The following GPD2 variants were observed in gnomAD, a reference collection of about 807,000 sequenced individuals.
The protein encoded by GPD2 is glycerol-3-phosphate dehydrogenase, mitochondrial.
Under a neutral mutation model 82.4 loss-of-function variants are expected in GPD2, and 54 were observed. The observed-to-expected ratio is 0.66, with a 90% CI of 0.53 to 0.82. GPD2 has a LOEUF of 0.82. GPD2 is among the 40% of genes least tolerant of loss of function. GPD2 has a pLI of 0.00. For synonymous variants in GPD2, 288 were observed against 306.1 expected, an observed-to-expected ratio of 0.94 and a Z score of 0.62; for missense variants, 748 against 896.2, an observed-to-expected ratio of 0.83 and a Z score of 2.11.
chr2:156,459,759 T>C (rs903152545), intron 1 of GPD2, among the ~76,000 whole-genome samples: 4 of 149,990 alleles, frequency 2.7e-5, no homozygotes, highest in Non-Finnish European at 4.4e-5. Context: ...CGTAAGGACA[T>C]TGAAGTCCAG....
chr2:156,422,726 A>AG, the GPD2 span, among the ~76,000 whole-genome samples: 2 of 151,710 alleles, frequency 1.3e-5, no homozygotes, highest in Admixed American at 1.3e-4. Context: ...AGTGAGACTC[A>AG]GAAAAAAAAA....
the GPD2 span, among the ~76,000 whole-genome samples, chr2:156,407,397 C>T: frequency 1.4e-3 from 218 of 152,228 alleles, no homozygotes; most frequent in Non-Finnish European, 2.6e-3. Flanking sequence ...TTTTCTCCCC[C>T]CAGAAATATA....
At chr2:156,581,943 T>C (rs1166896458) in intron 16 of GPD2, among the ~76,000 whole-genome samples, 2 of 151,992 alleles carry the variant, frequency 1.3e-5, no homozygotes. Context: ...ATCATATATA[T>C]ATATAATGTG....
chr2:156,546,933 C>T (rs1558953993), intron 6 of GPD2, among the ~76,000 whole-genome samples: 1 of 146,632 alleles, frequency 6.8e-6, no homozygotes, highest in Non-Finnish European at 1.5e-5. Flanking sequence ...TTTAACACAG[C>T]GAATGAGATT....
chr2:156,488,331 A>G (rs1402320511), intron 2 of GPD2, among the ~76,000 whole-genome samples: 1 of 152,264 alleles, frequency 6.6e-6, no homozygotes, highest in African/African-American at 2.4e-5. Flanking sequence ...CCTTTTAGGA[A>G]TATATAAATA....
intron 3 of GPD2, among the ~76,000 whole-genome samples, chr2:156,510,187 G>C (rs1209519903): frequency 6.6e-6 from 1 of 152,100 alleles, no homozygotes; most frequent in Non-Finnish European, 1.5e-5. Context: ...TTTTAAATTA[G>C]ACTATAAACA....
At chr2:156,439,658 C>A (rs968392041) in intron 1 of GPD2, among the ~76,000 whole-genome samples, 3 of 149,768 alleles carry the variant, frequency 2.0e-5, no homozygotes, top group Admixed American at 6.7e-5. Flanking sequence ...ACCAGCCTGG[C>A]CAACATGGCA....
At chr2:156,410,216 C>T in the GPD2 span, among the ~76,000 whole-genome samples, 1 of 152,200 alleles carries the variant, frequency 6.6e-6, no homozygotes, top group Admixed American at 6.5e-5. Flanking sequence ...GGTGAATACT[C>T]AGTCATCATG....
At chr2:156,521,392 A>C (rs537332069) in intron 6 of GPD2, among the ~76,000 whole-genome samples, 44 of 152,336 alleles carry the variant, frequency 2.9e-4, no homozygotes, top group African/African-American at 1.1e-3. Flanking sequence ...TGAGCTCTGC[A>C]TTACACATCT....
At chr2:156,410,641 G>A in the GPD2 span, among the ~76,000 whole-genome samples, 2 of 152,158 alleles carry the variant, frequency 1.3e-5, no homozygotes, top group African/African-American at 4.8e-5. Flanking sequence ...AAGATACCCT[G>A]ATAGGAGCTT....
At chr2:156,447,719 C>G (rs1682417316) in intron 1 of GPD2, among the ~76,000 whole-genome samples, 1 of 152,194 alleles carries the variant, frequency 6.6e-6, no homozygotes, top group African/African-American at 2.4e-5. Flanking sequence ...TGCTCATTCT[C>G]TTTTCTGTGA....
At chr2:156,540,569 A>C (rs1279904729) in intron 6 of GPD2, among the ~76,000 whole-genome samples, 2 of 152,204 alleles carry the variant, frequency 1.3e-5, no homozygotes, top group African/African-American at 4.8e-5. Flanking sequence ...GAGTTTTCTG[A>C]ATTTTCTCAG....
chr2:156,539,697 C>A (rs539187809), intron 6 of GPD2, among the ~76,000 whole-genome samples: 1 of 152,186 alleles, frequency 6.6e-6, no homozygotes, highest in South Asian at 2.1e-4. Context: ...TTGAGCCATT[C>A]CAGCATTTTG....
At chr2:156,477,302 T>C (rs1470747802) in intron 2 of GPD2, among the ~76,000 whole-genome samples, 1 of 152,056 alleles carries the variant, frequency 6.6e-6, no homozygotes, top group Non-Finnish European at 1.5e-5. Flanking sequence ...CGTGATGGTG[T>C]ACATCTGTAG....
chr2:156,530,225 A>G (rs985886853), intron 6 of GPD2, among the ~76,000 whole-genome samples: 3 of 112,550 alleles, frequency 2.7e-5, no homozygotes, highest in Non-Finnish European at 3.8e-5. Context: ...TTCACTCATG[A>G]TTTGGCTCTC....
At chr2:156,401,860 G>A in the GPD2 span, among the ~76,000 whole-genome samples, 1 of 151,970 alleles carries the variant, frequency 6.6e-6, no homozygotes, top group Non-Finnish European at 1.5e-5. Context: ...GATATAGGAG[G>A]GGAAAAAAAT....
At chr2:156,458,660 G>A (rs1252118471) in intron 1 of GPD2, among the ~76,000 whole-genome samples, 2 of 152,128 alleles carry the variant, frequency 1.3e-5, no homozygotes, top group Non-Finnish European at 2.9e-5. Context: ...GTTCATTAAA[G>A]ATGAGAAAAA....
At chr2:156,472,482 T>C (rs1683367983) in intron 1 of GPD2, among the ~76,000 whole-genome samples, 1 of 152,026 alleles carries the variant, frequency 6.6e-6, no homozygotes, top group African/African-American at 2.4e-5. Context: ...CACTACTGCC[T>C]GGCTAATTTT....
chr2:156,535,390 G>T (rs770906631), intron 6 of GPD2, among the ~76,000 whole-genome samples: 2 of 15,224 alleles, frequency 1.3e-4, no homozygotes. Context: ...AAAAAGACCT[G>T]GGGGGGGGCG....
Sources: gnomAD v4.1 joint callset for allele counts (sites outside exome capture counted in the v4.1 genomes callset) on GRCh38, gnomAD v4.1.1 for gene constraint, MANE v1.5 for transcripts, NCBI Gene and HGNC (gene_info 2026-07-23, HGNC 2026-07-21) for gene names.